MTCL3: variants seen among roughly 807,000 people sequenced by gnomAD.
MTCL3 encodes the protein microtubule cross-linking factor 3.
At chr6:127,511,870 T>C in the MTCL3 span, among the ~76,000 whole-genome samples, 2 of 152,314 alleles carry the variant, frequency 1.3e-5, no homozygotes, top group South Asian at 4.1e-4. Context: ...ATTTGCATTA[T>C]ATTTTTGTAC....
the MTCL3 span, among the ~76,000 whole-genome samples, chr6:127,511,253 A>AT: frequency 6.6e-6 from 1 of 152,030 alleles, no homozygotes; most frequent in Non-Finnish European, 1.5e-5. Context: ...GAGATAATAC[A>AT]TCTTTTTGCT....
At chr6:127,502,902 G>T in the MTCL3 span, among the ~76,000 whole-genome samples, 1 of 152,202 alleles carries the variant, frequency 6.6e-6, no homozygotes, top group African/African-American at 2.4e-5. Flanking sequence ...TAAAAAGTGA[G>T]ATAGAATTGA....
At chr6:127,478,547 G>C in the MTCL3 span, among the ~76,000 whole-genome samples, 3 of 152,194 alleles carry the variant, frequency 2.0e-5, no homozygotes, top group Non-Finnish European at 4.4e-5. Flanking sequence ...GGGATACAGG[G>C]TGGAAACATC....
chr6:127,517,818 G>A, the MTCL3 span: 2 of 152,138 alleles, frequency 1.3e-5, no homozygotes, highest in Non-Finnish European at 2.9e-5. Context: ...AGGGATCCAG[G>A]CAGCTAGTCA....
chr6:127,515,723 C>A, the MTCL3 span: 1 of 1,591,612 alleles, frequency 6.3e-7, no homozygotes, highest in Non-Finnish European at 8.5e-7. This position sits in a 1 kb window ranked among gnomAD's most constrained non-coding sequence, Gnocchi z 4.3. Context: ...TCGCAAACGG[C>A]AGGGGGGCCA....
At chr6:127,492,059 GTTTTAA>G in the MTCL3 span, among the ~76,000 whole-genome samples, 1 of 152,238 alleles carries the variant, frequency 6.6e-6, no homozygotes, top group South Asian at 2.1e-4. Flanking sequence ...GCTACCCTGT[GTTTTAA>G]GTCTGGGCTG....
chr6:127,494,941 T>C, the MTCL3 span, among the ~76,000 whole-genome samples: 19 of 152,160 alleles, frequency 1.2e-4, no homozygotes, highest in African/African-American at 4.3e-4. Flanking sequence ...CTCACACCTG[T>C]AATCCCAGCA....
At chr6:127,492,560 G>A in the MTCL3 span, among the ~76,000 whole-genome samples, 5 of 151,988 alleles carry the variant, frequency 3.3e-5, no homozygotes, top group Admixed American at 6.6e-5. Flanking sequence ...TCACCCTGTC[G>A]CCCAGGCTGG....
the MTCL3 span, among the ~76,000 whole-genome samples, chr6:127,481,721 G>A: frequency 1.3e-5 from 2 of 152,118 alleles, no homozygotes; most frequent in Non-Finnish European, 2.9e-5. Flanking sequence ...AGTGCTTTTG[G>A]AGAGTTATAA....
chr6:127,507,726 C>T, the MTCL3 span, among the ~76,000 whole-genome samples: 1 of 151,690 alleles, frequency 6.6e-6, no homozygotes, highest in Admixed American at 6.6e-5. Flanking sequence ...GCCAGTAGTC[C>T]CAGCTGCTGG....
chr6:127,515,671 G>T, the MTCL3 span: 2 of 1,490,956 alleles, frequency 1.3e-6, no homozygotes, highest in Non-Finnish European at 8.9e-7. The surrounding 1 kb of genome is among the most constrained non-coding windows in gnomAD (Gnocchi z 4.3). Flanking sequence ...GGGGCCCTCC[G>T]CCGCCGCCGC....
At chr6:127,515,577 G>A in the MTCL3 span, 7 of 1,445,500 alleles carry the variant, frequency 4.8e-6, no homozygotes, top group Non-Finnish European at 5.4e-6. This position sits in a 1 kb window ranked among gnomAD's most constrained non-coding sequence, Gnocchi z 4.3. Context: ...CCTGCTCTTG[G>A]AGCTGCTGCG....
At chr6:127,485,345 G>A in the MTCL3 span, among the ~76,000 whole-genome samples, 1 of 152,102 alleles carries the variant, frequency 6.6e-6, no homozygotes, top group Non-Finnish European at 1.5e-5. Context: ...ATTCCATATG[G>A]GTGTTACAGA....
the MTCL3 span, chr6:127,473,522 C>T: frequency 1.7e-6 from 1 of 588,776 alleles, no homozygotes; most frequent in African/African-American, 2.0e-5. Context: ...AAGCCTATAT[C>T]TATAAAATCT....
chr6:127,512,410 T>C, the MTCL3 span, among the ~76,000 whole-genome samples: 3 of 152,192 alleles, frequency 2.0e-5, no homozygotes, highest in Non-Finnish European at 2.9e-5. Flanking sequence ...ATTAGAACAT[T>C]GCGGGAAGGG....
At chr6:127,491,235 T>C in the MTCL3 span, among the ~76,000 whole-genome samples, 10 of 152,214 alleles carry the variant, frequency 6.6e-5, 1 homozygote, top group Admixed American at 5.9e-4. Context: ...GATTCTACTG[T>C]GGGTAAAATG....
the MTCL3 span, chr6:127,515,554 T>A: frequency 6.8e-7 from 1 of 1,468,754 alleles, no homozygotes; most frequent in Non-Finnish European, 9.0e-7. This position sits in a 1 kb window ranked among gnomAD's most constrained non-coding sequence, Gnocchi z 4.3. Flanking sequence ...CTCCATCTCC[T>A]CTTGCATTTC....
the MTCL3 span, among the ~76,000 whole-genome samples, chr6:127,477,027 A>G: frequency 1.3e-5 from 2 of 152,244 alleles, no homozygotes; most frequent in Non-Finnish European, 2.9e-5. Flanking sequence ...CAAAGGTGAA[A>G]TTTGAATCCA....
the MTCL3 span, chr6:127,476,127 C>T: frequency 1.2e-5 from 19 of 1,614,026 alleles, no homozygotes; most frequent in Non-Finnish European, 1.6e-5. This position sits in a 1 kb window ranked among gnomAD's most constrained non-coding sequence, Gnocchi z 4.4. Flanking sequence ...CCCTCATGAG[C>T]GGGTTGGCCG....
Sources: allele counts gnomAD v4.1 joint callset (sites outside exome capture counted in the v4.1 genomes callset), GRCh38; gene constraint gnomAD v4.1.1; non-coding constraint Gnocchi (gnomAD v3.1); transcripts MANE v1.5; gene names NCBI Gene and HGNC (gene_info 2026-07-23, HGNC 2026-07-21).